GPD2: variants seen among roughly 807,000 people sequenced by gnomAD.
GPD2 encodes glycerol-3-phosphate dehydrogenase 2, also known as glycerol-3-phosphate dehydrogenase, mitochondrial.
In GPD2, 54 loss-of-function variants were observed where a neutral mutation model predicts 82.4. The observed-to-expected ratio is 0.66, with a 90% CI of 0.53 to 0.82. GPD2 has a LOEUF of 0.82. Ranked by LOEUF, GPD2 falls within the 40% of genes least tolerant of loss-of-function variation. GPD2 has a pLI of 0.00. For missense variants in GPD2, 748 were observed against 896.2 expected (o/e 0.83, Z 2.11); for synonymous variants, 288 against 306.1 (o/e 0.94, Z 0.62).
At chr2:156,569,004 T>C in intron 10 of GPD2, 45 bp downstream of exon 10, 1 of 1,525,548 alleles carries the variant, frequency 6.6e-7, no homozygotes, top group Non-Finnish European at 9.0e-7. Context: ...TTTTTTTTTT[T>C]TTGTTATAGG....
upstream of GPD2, among the ~76,000 whole-genome samples, chr2:156,433,869 G>C (rs138910091): frequency 8.5e-5 from 13 of 152,230 alleles, no homozygotes; most frequent in East Asian, 2.5e-3. Context: ...AGTAACTGAT[G>C]GTCCCATTTC....
the GPD2 span, among the ~76,000 whole-genome samples, chr2:156,401,425 T>G: frequency 3.9e-5 from 6 of 152,226 alleles, no homozygotes; most frequent in Admixed American, 6.5e-5. Flanking sequence ...GAAACTCTCT[T>G]TGGTGAAGGA....
At chr2:156,487,492 A>G (rs967264886) in intron 2 of GPD2, among the ~76,000 whole-genome samples, 2 of 152,204 alleles carry the variant, frequency 1.3e-5, no homozygotes, top group African/African-American at 2.4e-5. Context: ...TGACCTATAC[A>G]TATAGGCAAA....
intron 2 of GPD2, among the ~76,000 whole-genome samples, chr2:156,487,825 C>T (rs1460785269): frequency 1.3e-5 from 2 of 152,192 alleles, no homozygotes; most frequent in Non-Finnish European, 1.5e-5. Context: ...ATTTGAAAAC[C>T]TATCTCCCAA....
chr2:156,569,879 A>G (rs1687548756), intron 11 of GPD2, among the ~76,000 whole-genome samples: 1 of 152,152 alleles, frequency 6.6e-6, no homozygotes, highest in Non-Finnish European at 1.5e-5. Flanking sequence ...TCATTGATGC[A>G]GTGATACATG....
intron 7 of GPD2, among the ~76,000 whole-genome samples, chr2:156,549,991 AATG>A (rs1686697650): frequency 6.6e-6 from 1 of 152,336 alleles, no homozygotes; most frequent in African/African-American, 2.4e-5. Context: ...TAATAATGAT[AATG>A]ATAATAATAA....
At chr2:156,556,146 G>C (rs1169805540) in intron 8 of GPD2, among the ~76,000 whole-genome samples, 1 of 152,054 alleles carries the variant, frequency 6.6e-6, no homozygotes, top group East Asian at 1.9e-4. Flanking sequence ...TTTAAAACAT[G>C]TTAAGGGAAT....
At chr2:156,416,809 A>G in the GPD2 span, among the ~76,000 whole-genome samples, 3 of 152,170 alleles carry the variant, frequency 2.0e-5, no homozygotes, top group African/African-American at 4.8e-5. Flanking sequence ...AAGACAAAAT[A>G]TGTAGTATGC....
chr2:156,550,667 C>T lies in GPD2; in HGVS notation c.892C>T (p.Arg298Cys), dbSNP rs141792291. ...NATGPFTDSV[R>C]KMDDKDAAAI... Reference sequence around the variant, plus strand: ...CACGGGACCTTTCACGGACTCTGTGCGCAAAATGGATGATAAAGACGCAGC... The same window carrying T: ...CACGGGACCTTTCACGGACTCTGTGTGCAAAATGGATGATAAAGACGCAGC... Residue 298 changes from arginine (R) to cysteine (C), a missense_variant, in exon 8 of 17, where the codon CGC (arginine) becomes TGC (cysteine). By Grantham distance (180) the Arg-to-Cys change is radical. Coordinates refer to ENST00000438166, the MANE Select transcript of GPD2 (RefSeq NM_000408.5). 1.2e-5 allele frequency: 20 copies of T among 1,613,576 alleles called. No individual in the cohort carries two copies. Among genetic ancestry groups the T allele is most frequent in the Middle Eastern group, 1.7e-4 (1 of 6,058 alleles).
chr2:156,443,330 C>G (rs1285289745), intron 1 of GPD2, among the ~76,000 whole-genome samples: 1 of 152,188 alleles, frequency 6.6e-6, no homozygotes, highest in African/African-American at 2.4e-5. Flanking sequence ...CTGGATCTTA[C>G]ACAATTTTGT....
At chr2:156,451,198 G>A (rs1005927820) in intron 1 of GPD2, among the ~76,000 whole-genome samples, 2 of 152,068 alleles carry the variant, frequency 1.3e-5, no homozygotes, top group Admixed American at 6.5e-5. Context: ...CAGACGGGGT[G>A]GTGGCCGGGC....
the GPD2 span, among the ~76,000 whole-genome samples, chr2:156,422,514 A>C: frequency 6.6e-6 from 1 of 152,020 alleles, no homozygotes; most frequent in South Asian, 2.1e-4. Flanking sequence ...GTGGATCATG[A>C]GGTCAGGAGA....
intron 1 of GPD2, among the ~76,000 whole-genome samples, chr2:156,468,083 A>T (rs922862996): frequency 2.0e-5 from 3 of 152,176 alleles, no homozygotes; most frequent in Non-Finnish European, 2.9e-5. Flanking sequence ...GAACTATGAG[A>T]TACCTCCTTC....
chr2:156,429,783 C>T, the GPD2 span, among the ~76,000 whole-genome samples: 1 of 152,182 alleles, frequency 6.6e-6, no homozygotes, highest in Non-Finnish European at 1.5e-5. Flanking sequence ...TTTTAGATGT[C>T]TATAACTCTG....
At chr2:156,450,208 T>C (rs550974551) in intron 1 of GPD2, among the ~76,000 whole-genome samples, 105 of 152,318 alleles carry the variant, frequency 6.9e-4, no homozygotes, top group African/African-American at 2.4e-3. Context: ...ATGGAAGATA[T>C]AAAGTGTTCT....
intron 6 of GPD2, among the ~76,000 whole-genome samples, chr2:156,534,111 A>G (rs114228546): frequency 0.021 from 3,185 of 152,318 alleles, 115 homozygotes; most frequent in African/African-American, 0.073. Context: ...GGTGGCTCTC[A>G]GCAGATGGAT....
rs202032384 is a variant in GPD2 at position 156,496,028 on chromosome 2, T to C, written c.103-16T>C. 3.8e-4 allele frequency: 611 copies of C among 1,602,936 alleles called. 1 individual carries two copies. Among genetic ancestry groups the C allele is most frequent in the Non-Finnish European group, 3.8e-4 (450 of 1,170,976 alleles). ...ATTCCAAATGGACAACTGAAAGTGA[T>C]CTGCTTTTACATCAGATGAACCTGG... is the stretch of plus-strand genomic sequence containing the variant. On this transcript the variant is annotated splice_polypyrimidine_tract_variant and intron_variant, in intron 2 of 16. Transcript: ENST00000438166.
At chr2:156,449,208 A>C (rs772167050) in intron 1 of GPD2, among the ~76,000 whole-genome samples, 5 of 151,602 alleles carry the variant, frequency 3.3e-5, no homozygotes, top group Non-Finnish European at 4.4e-5. Flanking sequence ...TAGGATGAGG[A>C]TATGTTGTGG....
chr2:156,481,486 C>CA (rs34181184), intron 2 of GPD2, among the ~76,000 whole-genome samples: 48,566 of 151,628 alleles, frequency 0.32, 9,224 homozygotes, highest in Non-Finnish European at 0.44. Context: ...CTTTTAATAC[C>CA]AACAGTTCTA....
Sources: allele counts gnomAD v4.1 joint callset (sites outside exome capture counted in the v4.1 genomes callset), GRCh38; gene constraint gnomAD v4.1.1; transcripts MANE v1.5; gene names NCBI Gene and HGNC (gene_info 2026-07-23, HGNC 2026-07-21).